The following PTPRN2 variants were observed in gnomAD, a reference collection of about 807,000 sequenced individuals.
PTPRN2 encodes receptor-type tyrosine-protein phosphatase N2.
Under a neutral mutation model 118.8 loss-of-function variants are expected in PTPRN2, and 74 were observed. The ratio of observed to expected loss-of-function variants is 0.62; its 90% CI spans 0.52 to 0.76. The LOEUF is 0.76. Among genes scored for constraint, PTPRN2 ranks in the 30% least tolerant of loss-of-function variants. The probability of loss-of-function intolerance (pLI) is 0.00; values close to 1 mark genes in which losing one functional copy is unlikely to be tolerated. For synonymous variants in PTPRN2, 641 were observed against 608.0 expected (o/e 1.05, Z -0.80); for missense variants, 1,481 against 1,394.4 (o/e 1.06, Z -0.99).
In PTPRN2 at chr7:158,489,724, C is replaced by A; in HGVS notation, c.163+11G>T. 1 of 1,575,556 alleles carries A rather than the reference C, an allele frequency of 6.3e-7. No homozygotes were observed. Among genetic ancestry groups the A allele is most frequent in the Middle Eastern group, 2.1e-4 (1 of 4,820 alleles). On this transcript the variant is annotated intron_variant, in intron 2 of 22. Transcript: ENST00000389418. ...CAGACCAGGGCGCAGCAGCCAGGAC[C>A]CCACACTCACCGTTCACACAGGCCT...
chr7:157,962,495 A>G (rs2117520), intron 11 of PTPRN2, among the ~76,000 whole-genome samples: 14 of 152,300 alleles, frequency 9.2e-5, no homozygotes, highest in Admixed American at 3.9e-4. Flanking sequence ...GATCCAGGAC[A>G]GCAGACCAAG....
chr7:157,916,664 C>T (rs917113323), intron 11 of PTPRN2, among the ~76,000 whole-genome samples: 7 of 152,244 alleles, frequency 4.6e-5, no homozygotes, highest in African/African-American at 7.2e-5. Flanking sequence ...ATGTCATAAG[C>T]GTGGCCTCGA....
chr7:158,470,204 GA>G (rs958553712), intron 2 of PTPRN2, among the ~76,000 whole-genome samples: 53 of 152,254 alleles, frequency 3.5e-4, no homozygotes, highest in African/African-American at 1.1e-3. Context: ...AACAACTGGG[GA>G]AAAAAACATA....
intron 2 of PTPRN2, among the ~76,000 whole-genome samples, chr7:158,459,235 T>G (rs1023041638): frequency 1.6e-4 from 4 of 25,648 alleles, no homozygotes; most frequent in Admixed American, 1.0e-3. Context: ...AACACCCAGA[T>G]GAGAATCCAG....
Position 157,761,409 on chromosome 7 carries a change from T to C in PTPRN2, c.1789-78472A>G, listed in dbSNP as rs538526553. On this transcript the variant is annotated intron_variant, in intron 12 of 22. Coordinates refer to ENST00000389418, the MANE Select transcript of PTPRN2 (RefSeq NM_002847.5). ...ACTGGTACCAAAACAGAGATATAGA[T>C]CAATGGAACAGAACAGAGCCCTCAG... Among the ~76,000 whole-genome samples the C allele has an allele frequency of 5.2e-4, 77 of 147,824 alleles. No individual in the cohort carries two copies. In the South Asian group the frequency reaches 0.012, roughly 23 times the overall value.
At chr7:158,089,747 C>T (rs1366187613) in intron 10 of PTPRN2, among the ~76,000 whole-genome samples, 3 of 142,262 alleles carry the variant, frequency 2.1e-5, no homozygotes, top group Non-Finnish European at 4.6e-5. Flanking sequence ...GGTCTTCACA[C>T]AAACCTTCTT....
intron 12 of PTPRN2, among the ~76,000 whole-genome samples, chr7:157,687,619 G>C (rs1356869685): frequency 6.6e-6 from 1 of 152,142 alleles, no homozygotes; most frequent in East Asian, 1.9e-4. Flanking sequence ...AAACTTAGAA[G>C]TCAGTTTTAG....
rs115745285 is a variant in PTPRN2 at position 158,342,616 on chromosome 7, A to G, written c.164-25684T>C. On this transcript the variant is annotated intron_variant, in intron 2 of 22. Transcript: ENST00000389418. ...CCACACTCTCACCATAAGAGCTGAC[A>G]TCTACAGACATCACTCACACAGTCA... 9.9e-3 allele frequency among the ~76,000 whole-genome samples: 1,510 copies of G among 151,994 alleles called. 28 individuals are homozygous for G. The highest frequency in any genetic ancestry group is 0.035 in the African/African-American group (1,437 of 41,246).
At chr7:158,200,374 C>G (rs1026421640) in intron 4 of PTPRN2, among the ~76,000 whole-genome samples, 2 of 152,206 alleles carry the variant, frequency 1.3e-5, no homozygotes, top group Non-Finnish European at 2.9e-5. Flanking sequence ...CGAGGACGAG[C>G]TGACGCAGCC....
intron 10 of PTPRN2, among the ~76,000 whole-genome samples, chr7:158,098,999 TCC>T: frequency 1.2e-4 from 3 of 25,290 alleles, no homozygotes; most frequent in Admixed American, 3.6e-4. Context: ...TGCCTCCCCT[TCC>T]TCCCCCAACA....
Position 157,671,000 on chromosome 7 carries a change from C to T in PTPRN2, c.2001+11725G>A, listed in dbSNP as rs80141905. 7.2e-3 allele frequency among the ~76,000 whole-genome samples: 1,095 copies of T among 152,248 alleles called. 25 individuals carry two copies. The highest frequency in any genetic ancestry group is 0.025 in the African/African-American group (1,043 of 41,534). On this transcript the variant is annotated intron_variant, in intron 13 of 22. Coordinates refer to ENST00000389418, the MANE Select transcript of PTPRN2 (RefSeq NM_002847.5). ...TTCATGTGCCATCCCTGTCATCACC[C>T]GCATCTTCAGCCTGCAGCGCGTAGG...
chr7:157,862,898 G>A (rs1296870036), intron 12 of PTPRN2: 1 of 150,084 alleles, frequency 6.7e-6, no homozygotes, highest in Non-Finnish European at 1.5e-5. Flanking sequence ...CCTGAAAGAT[G>A]AGGGGGAGGA....
intron 2 of PTPRN2, among the ~76,000 whole-genome samples, chr7:158,357,602 C>G (rs921105554): frequency 1.3e-5 from 2 of 152,214 alleles, no homozygotes; most frequent in Non-Finnish European, 1.5e-5. Flanking sequence ...CCGTCAGCTG[C>G]GGGTGCTAAG....
At chr7:158,121,688 A>G (rs1817188468) in intron 9 of PTPRN2, among the ~76,000 whole-genome samples, 1 of 151,962 alleles carries the variant, frequency 6.6e-6, no homozygotes, top group African/African-American at 2.4e-5. Flanking sequence ...CTCCTACAAC[A>G]CCCTGAACAC....
At chr7:157,553,498 T>C (rs554397157) in intron 21 of PTPRN2, among the ~76,000 whole-genome samples, 44 of 152,284 alleles carry the variant, frequency 2.9e-4, no homozygotes, top group African/African-American at 9.4e-4. Context: ...ACATAAAATG[T>C]GATGGATAAA....
intron 2 of PTPRN2, among the ~76,000 whole-genome samples, chr7:158,337,186 G>A (rs28447008): frequency 8.0e-4 from 94 of 117,664 alleles, no homozygotes; most frequent in African/African-American, 2.7e-3. Flanking sequence ...CACTCACACC[G>A]ACACTCTCAC....
intron 4 of PTPRN2, among the ~76,000 whole-genome samples, chr7:158,203,100 C>T (rs375316390): frequency 4.6e-5 from 7 of 151,660 alleles, no homozygotes; most frequent in Admixed American, 6.6e-5. Context: ...GGTATGGTGG[C>T]GCGCACCTGT....
intron 12 of PTPRN2, among the ~76,000 whole-genome samples, chr7:157,790,266 T>C (rs1804402127): frequency 7.0e-6 from 1 of 142,424 alleles, no homozygotes; most frequent in African/African-American, 2.6e-5. Context: ...GTGTGTGTGG[T>C]GTTTGTGTGG....
chr7:157,650,245 C>T (rs1411671123), intron 14 of PTPRN2, among the ~76,000 whole-genome samples: 1 of 152,230 alleles, frequency 6.6e-6, no homozygotes, highest in African/African-American at 2.4e-5. Flanking sequence ...AACCTGCCCG[C>T]CGGAGAGAGA....
Sources: gnomAD v4.1 joint callset for allele counts (sites outside exome capture counted in the v4.1 genomes callset) on GRCh38, gnomAD v4.1.1 for gene constraint, MANE v1.5 for transcripts, NCBI Gene and HGNC (gene_info 2026-07-23, HGNC 2026-07-21) for gene names.